Variants in TMEM127 observed in about 807,000 individuals in gnomAD.
TMEM127 encodes the protein transmembrane protein 127.
TMEM127 carries 21 observed loss-of-function variants against 20.1 expected under a neutral mutation model. The ratio of observed to expected loss-of-function variants is 1.04; its 90% CI spans 0.74 to 1.50. TMEM127 has a LOEUF of 1.50. TMEM127 is among the 40% of genes most tolerant of loss of function. The pLI, the probability that TMEM127 is intolerant of heterozygous loss-of-function variation, is 0.00. For synonymous variants in TMEM127, 150 were observed against 144.7 expected (o/e 1.04, Z -0.26); for missense variants, 303 against 317.4 (o/e 0.95, Z 0.34).
intron 2 of TMEM127, among the ~76,000 whole-genome samples, chr2:96,256,406 T>C (rs1315130856): frequency 6.6e-6 from 1 of 151,528 alleles, no homozygotes; most frequent in East Asian, 1.9e-4. Context: ...ACCCTGTCTC[T>C]ACTAAAAATA....
chr2:96,257,926 G>C (rs2104294308), intron 2 of TMEM127, among the ~76,000 whole-genome samples: 1 of 151,956 alleles, frequency 6.6e-6, no homozygotes, highest in South Asian at 2.1e-4. Flanking sequence ...AAAAAAAGTA[G>C]GAAATGGGCC....
chr2:96,255,796 A>G (rs149176586), intron 2 of TMEM127, among the ~76,000 whole-genome samples: 13 of 152,086 alleles, frequency 8.5e-5, no homozygotes, highest in Non-Finnish European at 1.6e-4. Flanking sequence ...TGGGCAACAT[A>G]GTGAGACCCC....
chr2:96,254,707 A>G, intron 3 of TMEM127, 126 bp downstream of exon 3: 1 of 1,243,190 alleles, frequency 8.0e-7, no homozygotes, highest in Non-Finnish European at 1.2e-6. Context: ...GAAAGACTGG[A>G]GCTTGGCACA....
At chr2:96,263,519 C>T (rs572581504) in intron 2 of TMEM127, among the ~76,000 whole-genome samples, 3 of 152,210 alleles carry the variant, frequency 2.0e-5, no homozygotes, top group Non-Finnish European at 4.4e-5. Context: ...CCTGCCACCA[C>T]GCCCGGCTCA....
At chr2:96,263,048 CTTTTT>C (rs1402826560) in intron 2 of TMEM127, among the ~76,000 whole-genome samples, 1 of 136,688 alleles carries the variant, frequency 7.3e-6, no homozygotes, top group Non-Finnish European at 1.6e-5. Flanking sequence ...CAAGAATTTA[CTTTTT>C]TTTTTTTTTT....
chr2:96,255,442 C>T (rs1178115409), intron 2 of TMEM127, among the ~76,000 whole-genome samples: 1 of 152,184 alleles, frequency 6.6e-6, no homozygotes, highest in African/African-American at 2.4e-5. Context: ...TCATTCATTC[C>T]CTTTTTGTTC....
Position 96,251,481 on chromosome 2 carries a change from C to T in TMEM127, c.*2327G>A, listed in dbSNP as rs947810723. The T allele has an allele frequency of 9.2e-6, 2 of 218,096 alleles. No individual in the cohort carries two copies. Among genetic ancestry groups the T allele is most frequent in the Non-Finnish European group, 1.8e-5 (2 of 108,496 alleles). The allele number at this position is 218,096 out of a possible 1,614,324, so 13.5% of individuals were successfully genotyped here. ...GTTGCAGTGAGCTGAGATCATGCCA[C>T]GTTACACTCCAGCCCGGGTGACAGA... On this transcript the variant is annotated 3_prime_UTR_variant, in exon 4 of 4. Coordinates refer to ENST00000258439, the MANE Select transcript of TMEM127 (RefSeq NM_017849.4).
chr2:96,255,448 T>A (rs1454820696), intron 2 of TMEM127, among the ~76,000 whole-genome samples: 2 of 152,230 alleles, frequency 1.3e-5, no homozygotes, highest in Non-Finnish European at 2.9e-5. Flanking sequence ...ATTCCCTTTT[T>A]GTTCCAAAAA....
chr2:96,249,328 C>T lies in TMEM127; in HGVS notation c.*4480G>A. 2 of 209,506 alleles carry T rather than the reference C, an allele frequency of 9.5e-6. No homozygotes were observed. The highest frequency in any genetic ancestry group is 7.2e-5 in the East Asian group (1 of 13,970). 13.0% of individuals were successfully genotyped at this position (209,506 alleles called of 1,614,324 possible). A position where few individuals can be genotyped will look rare whatever the true frequency, so the allele number is the denominator to read the frequency against. ...GGCCAGAATGGTCTCGATCTCCTGA[C>T]CTTGTGATCCACCCACCTCGGCCTC... On this transcript the variant is annotated 3_prime_UTR_variant, in exon 4 of 4. Coordinates refer to ENST00000258439, the MANE Select transcript of TMEM127 (RefSeq NM_017849.4).
At chr2:96,254,354 T>C (rs1449625108) in intron 3 of TMEM127, among the ~76,000 whole-genome samples, 1 of 152,162 alleles carries the variant, frequency 6.6e-6, no homozygotes, top group Admixed American at 6.5e-5. Context: ...AATAGGGTCA[T>C]GCAGCTTGGG....
rs190521232 is a variant in TMEM127 at position 96,249,191 on chromosome 2, G to A, written c.*4617C>T. On this transcript the variant is annotated 3_prime_UTR_variant, in exon 4 of 4. Coordinates refer to ENST00000258439, the MANE Select transcript of TMEM127 (RefSeq NM_017849.4). ...CGGCTCACTGCAACCTCTGCCTCCC[G>A]GGTTCAAGTGATTCTCCTGCCTCAG... 102 of 213,638 alleles carry A rather than the reference G, an allele frequency of 4.8e-4. No homozygotes were observed. The highest frequency in any genetic ancestry group is 1.6e-3 in the African/African-American group (70 of 44,266). The allele number at this position is 213,638 out of a possible 1,614,324, so 13.2% of individuals were successfully genotyped here.
chr2:96,252,276 G>A lies in TMEM127; in HGVS notation c.*1532C>T. On this transcript the variant is annotated 3_prime_UTR_variant, in exon 4 of 4. Coordinates refer to ENST00000258439, the MANE Select transcript of TMEM127 (RefSeq NM_017849.4). The surrounding 1 kb of genome is among the most constrained non-coding windows in gnomAD (Gnocchi z 4.2). ...ATAGTGTTGTCCATTCTCCAGTCTT[G>A]CTCAAACTATCTATCACCTTAAAGG... The A allele has an allele frequency of 4.3e-6, 1 of 233,290 alleles. No homozygotes were observed. Among genetic ancestry groups the A allele is most frequent in the South Asian group, 1.8e-4 (1 of 5,532 alleles). The allele number at this position is 233,290 out of a possible 1,614,324, so 14.5% of individuals were successfully genotyped here.
At position 96,256,356 on chromosome 2, in the gene TMEM127, G is replaced by A. The variant is rs977021737; in HGVS notation, c.245-1359C>T. 4.6e-5 allele frequency among the ~76,000 whole-genome samples: 7 copies of A among 151,694 alleles called. 1 individual carries two copies. The highest frequency in any genetic ancestry group is 7.4e-5 in the Non-Finnish European group (5 of 67,980). Reference sequence around the variant, plus strand: ...GGAGGCCAAGGCGGGCAAAACACCTGAGGTCAGGAGTTTGAGACAAGCCTG... The same window carrying A: ...GGAGGCCAAGGCGGGCAAAACACCTAAGGTCAGGAGTTTGAGACAAGCCTG... On this transcript the variant is annotated intron_variant, in intron 2 of 3. Coordinates refer to ENST00000258439, the MANE Select transcript of TMEM127 (RefSeq NM_017849.4).
At position 96,252,432 on chromosome 2, in the gene TMEM127, T is replaced by A. The variant is rs1684113081; in HGVS notation, c.*1376A>T. 1 of 233,768 alleles carries A rather than the reference T, an allele frequency of 4.3e-6. No individual in the cohort carries two copies. The highest frequency in any genetic ancestry group is 8.5e-6 in the Non-Finnish European group (1 of 118,088). The allele number at this position is 233,768 out of a possible 1,614,324, so 14.5% of individuals were successfully genotyped here. A position where few individuals can be genotyped will look rare whatever the true frequency, so the allele number is the denominator to read the frequency against. ...AAGGTCTTTCAAGTTTCATCCACTT[T>A]ATGCCCAGATCTCAGGGCAGAAAAT... On this transcript the variant is annotated 3_prime_UTR_variant, in exon 4 of 4. Transcript: ENST00000258439. This position sits in a 1 kb window ranked among gnomAD's most constrained non-coding sequence, Gnocchi z 4.2.
chr2:96,265,171 C>A lies in TMEM127; in HGVS notation c.211G>T (p.Val71Leu), dbSNP rs142947571. ...CSRQELGVSD[V>L]LGYVHPDLLK... ...AGGTCCGGGTGCACATAGCCCAACACGTCGGAGACCCCCAGCTCCTGGCGC... is the reference window on the plus strand; with the variant it reads ...AGGTCCGGGTGCACATAGCCCAACAAGTCGGAGACCCCCAGCTCCTGGCGC... Residue 71 changes from valine to leucine, a missense_variant, in exon 2 of 4, where the codon GTG (valine) becomes TTG (leucine). Val to Leu is a conservative substitution (Grantham distance 32). Transcript: ENST00000258439. The A allele has an allele frequency of 6.2e-7, 1 of 1,611,252 alleles. No individual in the cohort carries two copies. The highest frequency in any genetic ancestry group is 8.5e-7 in the Non-Finnish European group (1 of 1,179,514).
chr2:96,265,578 C>A, intron 1 of TMEM127, 66 bp from the exon 2 acceptor site: 1 of 592,092 alleles, frequency 1.7e-6, no homozygotes, highest in Non-Finnish European at 2.4e-6. Flanking sequence ...GGGAGGGCTG[C>A]GGGAATTCGG....
In TMEM127 at chr2:96,250,815, G is replaced by T. The variant is rs1414545103; in HGVS notation, c.*2993C>A. 4.3e-6 allele frequency: 1 copy of T among 232,236 alleles called. No homozygotes were observed. Among genetic ancestry groups the T allele is most frequent in the African/African-American group, 2.2e-5 (1 of 45,278 alleles). The allele number at this position is 232,236 out of a possible 1,614,324, so 14.4% of individuals were successfully genotyped here. On this transcript the variant is annotated 3_prime_UTR_variant, in exon 4 of 4. Coordinates refer to ENST00000258439, the MANE Select transcript of TMEM127 (RefSeq NM_017849.4). Reference sequence around the variant, plus strand: ...TGTCTCTATCCCCATGCCTCTCCTAGTAAGATTCATTACCTATGGTTTCAA... The same window carrying T: ...TGTCTCTATCCCCATGCCTCTCCTATTAAGATTCATTACCTATGGTTTCAA...
chr2:96,265,270 CG>C lies in TMEM127; in HGVS notation c.111del (p.Ala38ProfsTer43). 6.3e-7 allele frequency: 1 copy of C among 1,580,572 alleles called. No individual in the cohort carries two copies. Among genetic ancestry groups the C allele is most frequent in the Non-Finnish European group, 8.6e-7 (1 of 1,169,112 alleles). The stretch of plus-strand genomic sequence containing the variant: ...GTGCACAGCGCCGTGATAGACAGGG[CG>C]CCAGGCAGGGCCGAGGCCAGGCTAC... ...PERSLASALPGALSITALCTA... is the reference protein window; with the variant it reads ...PERSLASALPXALSITALCTA... On this transcript the variant is annotated frameshift_variant, in exon 2 of 4. Coordinates refer to ENST00000258439, the MANE Select transcript of TMEM127 (RefSeq NM_017849.4). LOFTEE classifies it high-confidence loss of function.
chr2:96,256,996 C>T (rs556403930), intron 2 of TMEM127, among the ~76,000 whole-genome samples: 6 of 152,132 alleles, frequency 3.9e-5, no homozygotes, highest in African/African-American at 1.4e-4. Context: ...AACGTGCACA[C>T]GTCAAGGGCA....
Sources: allele counts gnomAD v4.1 joint callset (sites outside exome capture counted in the v4.1 genomes callset), GRCh38; gene constraint gnomAD v4.1.1; non-coding constraint Gnocchi (gnomAD v3.1); transcripts MANE v1.5; gene names NCBI Gene and HGNC (gene_info 2026-07-23, HGNC 2026-07-21).